Variants in ADPRHL1 observed in about 807,000 individuals in gnomAD.
The protein encoded by ADPRHL1 is inactive ADP-ribosyltransferase ARH2.
In ADPRHL1, 43 loss-of-function variants were observed where a neutral mutation model predicts 44.1. That is an observed-to-expected ratio of 0.98 (90% CI 0.76 to 1.26). ADPRHL1 has a LOEUF of 1.26. ADPRHL1 is among the 50% of genes most tolerant of loss of function. The pLI, the probability that ADPRHL1 is intolerant of heterozygous loss-of-function variation, is 0.00. For missense variants in ADPRHL1, 2,022 were observed against 2,496.9 expected (o/e 0.81, Z 4.05); for synonymous variants, 878 against 1,017.4 (o/e 0.86, Z 2.61).
At position 113,407,178 on chromosome 13, in the gene ADPRHL1, C is replaced by T. The variant is rs2139595743; in HGVS notation, c.2104G>A (p.Val702Ile). ...QVMAQRDGHA[V>I]PSLAFSCAPC... Reference sequence around the variant, plus strand: ...GCACAAGAGAAGGCCAGCGAGGGGACAGCGTGGCCGTCCCTCTGAGCCATC... The same window carrying T: ...GCACAAGAGAAGGCCAGCGAGGGGATAGCGTGGCCGTCCCTCTGAGCCATC... The change falls in exon 8 of 8, where the codon GTC (valine) becomes ATC (isoleucine). Residue 702 changes from valine to isoleucine, a missense_variant. By Grantham distance (29) the Val-to-Ile change is conservative. Around this residue, in one of 8 missense-constraint regions of ADPRHL1, gnomAD observed 1,221 missense variants for 1,517.8 expected, o/e 0.80. Coordinates refer to ENST00000612156, the MANE Select transcript of ADPRHL1 (RefSeq NM_001394807.1). 8.1e-7 allele frequency: 1 copy of T among 1,232,252 alleles called. No homozygotes were observed. Among genetic ancestry groups the T allele is most frequent in the Non-Finnish European group, 1.0e-6 (1 of 988,058 alleles). 76.3% of individuals were successfully genotyped at this position (1,232,252 alleles called of 1,614,324 possible). A position where few individuals can be genotyped will look rare whatever the true frequency, so the allele number is the denominator to read the frequency against.
rs966284947 is a variant in ADPRHL1, at chr13:113,403,762, G to C, written c.5520C>G (p.Ser1840Arg). ...DAAGRSGGSR[S>R]PAPRDGGQSG... ...ACTGTCCACCATCCCTGGGGGCTGG[G>C]CTTCTGGACCCCCCACTCCTGCCAG... Residue 1840 changes from serine to arginine, a missense_variant, in exon 8 of 8, where the codon AGC becomes AGG. Coordinates refer to ENST00000612156, the MANE Select transcript of ADPRHL1 (RefSeq NM_001394807.1). 8.9e-6 allele frequency: 11 copies of C among 1,232,574 alleles called. No homozygotes were observed. Among genetic ancestry groups the C allele is most frequent in the African/African-American group, 1.6e-5 (1 of 64,394 alleles). The allele number at this position is 1,232,574 out of a possible 1,614,324, so 76.4% of individuals were successfully genotyped here.
rs1344885445 is a variant in ADPRHL1, at chr13:113,401,023, T to C, written c.*2355A>G. 1 of 152,272 alleles carries C rather than the reference T, an allele frequency of 6.6e-6. No individual in the cohort carries two copies. Among genetic ancestry groups the C allele is most frequent in the African/African-American group, 2.4e-5 (1 of 41,472 alleles). The allele number at this position is 152,272 out of a possible 1,614,324, so 9.4% of individuals were successfully genotyped here. ...ATAAAGGGAACAGCCAGTGAACATA[T>C]TTTTACCTCCCGTGTCTGTCATCAT... is the stretch of plus-strand genomic sequence containing the variant. On this transcript the variant is annotated 3_prime_UTR_variant, in exon 8 of 8. Coordinates refer to ENST00000612156, the MANE Select transcript of ADPRHL1 (RefSeq NM_001394807.1). This position sits in a 1 kb window ranked among gnomAD's most constrained non-coding sequence, Gnocchi z 5.5.
chr13:113,450,500 G>C (rs1289947497), intron 1 of ADPRHL1, among the ~76,000 whole-genome samples: 1 of 152,148 alleles, frequency 6.6e-6, no homozygotes, highest in East Asian at 1.9e-4. Context: ...CCAATGCACG[G>C]AGACCGGTAG....
At chr13:113,422,668 G>T in intron 7 of ADPRHL1, 158 bp downstream of exon 7, 1 of 879,370 alleles carries the variant, frequency 1.1e-6, no homozygotes, top group Non-Finnish European at 1.7e-6. Flanking sequence ...CAACAGTTAG[G>T]ATTCTGAAAT....
rs758877436 is a variant in ADPRHL1, at chr13:113,441,885, CTG to C, written c.379+2538_379+2539del. Among the ~76,000 whole-genome samples, 9 of 152,178 alleles carry C rather than the reference CTG, an allele frequency of 5.9e-5. No individual in the cohort carries two copies. The highest frequency in any genetic ancestry group is 8.8e-5 in the Non-Finnish European group (6 of 68,016). Reference sequence around the variant, plus strand: ...GTCACTATCACACTCTGTCCCCACCCTGTGTGTGAGTCTGTGTCTCTATCACG... The same window carrying C: ...GTCACTATCACACTCTGTCCCCACCCTGTGTGAGTCTGTGTCTCTATCACG... On this transcript the variant is annotated intron_variant, in intron 2 of 7. Transcript: ENST00000612156. This position sits in a 1 kb window ranked among gnomAD's most constrained non-coding sequence, Gnocchi z 6.0.
chr13:113,431,690 T>C (rs1244335412), intron 3 of ADPRHL1, among the ~76,000 whole-genome samples: 6 of 152,260 alleles, frequency 3.9e-5, no homozygotes, highest in Non-Finnish European at 4.4e-5. Context: ...TCATAGAATA[T>C]ATAAATTATT....
chr13:113,404,637 G>C lies in ADPRHL1; in HGVS notation c.4645C>G (p.Gln1549Glu). ...TGGGCCTGTTCTTGAGCGTGTCCCT[G>C]AGCCTGTCCCTGGGCCCAATTCTGA... ...QFQNWAQGQA[Q>E]GHAQEQAQWQ... Residue 1549 changes from glutamine to glutamate, a missense_variant, in exon 8 of 8, where the codon CAG becomes GAG. Coordinates refer to ENST00000612156, the MANE Select transcript of ADPRHL1 (RefSeq NM_001394807.1). The C allele has an allele frequency of 7.6e-7, 1 of 1,310,278 alleles. No individual in the cohort carries two copies. Among genetic ancestry groups the C allele is most frequent in the African/African-American group, 1.5e-5 (1 of 64,988 alleles). The allele number at this position is 1,310,278 out of a possible 1,614,324, so 81.2% of individuals were successfully genotyped here. A position where few individuals can be genotyped will look rare whatever the true frequency, so the allele number is the denominator to read the frequency against.
chr13:113,405,707 A>G lies in ADPRHL1; in HGVS notation c.3575T>C (p.Leu1192Pro). The G allele has an allele frequency of 8.1e-7, 1 of 1,231,842 alleles. No homozygotes were observed. The highest frequency in any genetic ancestry group is 1.0e-6 in the Non-Finnish European group (1 of 988,094). The allele number at this position is 1,231,842 out of a possible 1,614,324, so 76.3% of individuals were successfully genotyped here. ...EPKSGAAGRS[L>P]LRGVALVQHP... Reference sequence around the variant, plus strand: ...CTGGACGAGGGCCACGCCTCTCAGGAGGCTCCTCCCTGCTGCTCCACTCTT... The same window carrying G: ...CTGGACGAGGGCCACGCCTCTCAGGGGGCTCCTCCCTGCTGCTCCACTCTT... Residue 1192 changes from leucine (L) to proline (P), a missense_variant, in exon 8 of 8, where the codon CTC becomes CCC. Coordinates refer to ENST00000612156, the MANE Select transcript of ADPRHL1 (RefSeq NM_001394807.1).
chr13:113,421,200 C>T (rs1199610856), intron 7 of ADPRHL1, among the ~76,000 whole-genome samples: 7 of 138,994 alleles, frequency 5.0e-5, no homozygotes, highest in Admixed American at 1.4e-4. Context: ...GACACCCCTA[C>T]CCCCGGGACA....
At chr13:113,447,629 A>G (rs932269118) in intron 1 of ADPRHL1, among the ~76,000 whole-genome samples, 1 of 152,224 alleles carries the variant, frequency 6.6e-6, no homozygotes, top group African/African-American at 2.4e-5. Flanking sequence ...GTGCATGCAC[A>G]GTATTGTTTT....
In ADPRHL1 at chr13:113,403,896, C is replaced by T. The variant is rs1227067571; in HGVS notation, c.5386G>A (p.Ala1796Thr). ...CCCTGTTCCCAAGCCCGTTCCTGAG[C>T]CCCTTTCTGGGTCTGCCTCTGAGTC... ...IETQRQTQKG[A>T]QERAWEQGRE... The change falls in exon 8 of 8, where the codon GCT (alanine) becomes ACT (threonine). Residue 1796 changes from alanine (A) to threonine (T), a missense_variant. By Grantham distance (58) the Ala-to-Thr change is moderately conservative (BLOSUM62 0). Around this residue, in one of 8 missense-constraint regions of ADPRHL1, gnomAD observed 205 missense variants for 250.1 expected, o/e 0.82. Coordinates refer to ENST00000612156, the MANE Select transcript of ADPRHL1 (RefSeq NM_001394807.1). 4 of 1,241,380 alleles carry T rather than the reference C, an allele frequency of 3.2e-6. No homozygotes were observed. The highest frequency in any genetic ancestry group is 4.0e-6 in the Non-Finnish European group (4 of 987,848). The allele number at this position is 1,241,380 out of a possible 1,614,324, so 76.9% of individuals were successfully genotyped here.
rs1352170509 is a variant in ADPRHL1, at chr13:113,453,311, G to A, written c.127C>T (p.Leu43=). 1.9e-6 allele frequency: 3 copies of A among 1,614,084 alleles called. No individual in the cohort carries two copies. The African/African-American group carries it at 4.0e-5, about 22-fold the overall frequency. Reference sequence around the variant, plus strand: ...CCTGGCGAGAGTACGAGGTGGTCCAGGCCCCCGGAACGTTGCAGCTCCTCC... The same window carrying A: ...CCTGGCGAGAGTACGAGGTGGTCCAAGCCCCCGGAACGTTGCAGCTCCTCC... ...IQEELQRSGG[L]DHLVLSPGEW... The change falls in exon 1 of 8, where the codon CTG becomes TTG. Residue 43 remains leucine (L), a synonymous_variant. Transcript: ENST00000612156. This position sits in a 1 kb window ranked among gnomAD's most constrained non-coding sequence, Gnocchi z 5.4.
At chr13:113,410,798 TG>T (rs1037978388) in intron 7 of ADPRHL1, among the ~76,000 whole-genome samples, 1 of 152,282 alleles carries the variant, frequency 6.6e-6, no homozygotes, top group African/African-American at 2.4e-5. Flanking sequence ...GGGACCAGCC[TG>T]GGGGCATTGT....
chr13:113,444,768 G>T (rs935403242), intron 1 of ADPRHL1, among the ~76,000 whole-genome samples, 179 bp from the exon 2 acceptor site: 3 of 152,150 alleles, frequency 2.0e-5, no homozygotes, highest in African/African-American at 4.8e-5. Context: ...GACTACAGGT[G>T]CCCACCACCA....
At chr13:113,422,603 A>G (rs1197087769) in intron 7 of ADPRHL1, 2 of 628,036 alleles carry the variant, frequency 3.2e-6, no homozygotes, top group African/African-American at 1.8e-5. Flanking sequence ...CGCAGTGTCA[A>G]TGTTGATGGT....
chr13:113,441,575 T>C lies in ADPRHL1; in HGVS notation c.379+2850A>G, dbSNP rs1236598024. Reference sequence around the variant, plus strand: ...CTATTGTTGTTGTACATTCTACTTATATTTTATAAACCATACCGTTCATTA... The same window carrying C: ...CTATTGTTGTTGTACATTCTACTTACATTTTATAAACCATACCGTTCATTA... On this transcript the variant is annotated intron_variant, in intron 2 of 7. Coordinates refer to ENST00000612156, the MANE Select transcript of ADPRHL1 (RefSeq NM_001394807.1). The surrounding 1 kb of genome is among the most constrained non-coding windows in gnomAD (Gnocchi z 6.0). 2.6e-5 allele frequency among the ~76,000 whole-genome samples: 4 copies of C among 152,364 alleles called. No individual in the cohort carries two copies. Among genetic ancestry groups the C allele is most frequent in the African/African-American group, 9.6e-5 (4 of 41,590 alleles).
intron 1 of ADPRHL1, among the ~76,000 whole-genome samples, chr13:113,445,284 G>T (rs1442114683): frequency 6.6e-6 from 1 of 152,248 alleles, no homozygotes; most frequent in Non-Finnish European, 1.5e-5. Context: ...GCTCAGTGAG[G>T]TTATGTGTCT....
chr13:113,446,467 G>A (rs113823777), intron 1 of ADPRHL1, among the ~76,000 whole-genome samples: 2,875 of 152,322 alleles, frequency 0.019, 54 homozygotes, highest in Non-Finnish European at 0.024. Context: ...CCTGGGAGGC[G>A]TGGCCGGCTG....
At chr13:113,430,700 AGGCGGGGGTGGCACTAGT>A (rs886152450) in intron 3 of ADPRHL1, among the ~76,000 whole-genome samples, 3 of 148,298 alleles carry the variant, frequency 2.0e-5, no homozygotes, top group Admixed American at 2.0e-4. Context: ...CAGTGATAAA[AGGCGGGGGTGGCACTAGT>A]GGCGGGGGTG....
Sources: allele counts gnomAD v4.1 joint callset (sites outside exome capture counted in the v4.1 genomes callset), GRCh38; gene constraint gnomAD v4.1.1; regional missense constraint gnomAD v4.1.1; non-coding constraint Gnocchi (gnomAD v3.1); transcripts MANE v1.5; gene names NCBI Gene and HGNC (gene_info 2026-07-23, HGNC 2026-07-21).